The following CMC2 variants were observed in gnomAD, a reference collection of about 807,000 sequenced individuals.
CMC2 encodes COX assembly mitochondrial protein 2 homolog.
In CMC2, 5 loss-of-function variants were observed where a neutral mutation model predicts 7.5. The ratio of observed to expected loss-of-function variants is 0.66; its 90% CI spans 0.35 to 1.40. The LOEUF is 1.40. Among genes scored for constraint, CMC2 ranks in the 40% most tolerant of loss-of-function variants. CMC2 has a pLI of 0.04. For synonymous variants in CMC2, 37 were observed against 31.4 expected, an observed-to-expected ratio of 1.18 and a Z score of -0.60; for missense variants, 115 against 92.3, an observed-to-expected ratio of 1.25 and a Z score of -1.01.
At chr16:80,999,698 T>C (rs1488274856) in intron 1 of CMC2, among the ~76,000 whole-genome samples, 1 of 152,162 alleles carries the variant, frequency 6.6e-6, no homozygotes, top group Non-Finnish European at 1.5e-5. Context: ...AGCAAGCTTC[T>C]CCTACAAAAA....
rs939445240 is a variant in CMC2 at position 80,970,994 on chromosome 16, G to A, written c.*5099C>T. 2.0e-5 allele frequency: 3 copies of A among 152,066 alleles called. No homozygotes were observed. The highest frequency in any genetic ancestry group is 6.6e-5 in the Admixed American group (1 of 15,266). 9.4% of individuals were successfully genotyped at this position (152,066 alleles called of 1,614,324 possible). A position where few individuals can be genotyped will look rare whatever the true frequency, so the allele number is the denominator to read the frequency against. On this transcript the variant is annotated 3_prime_UTR_variant, in exon 4 of 4. Transcript: ENST00000219400. ...ACTAAAAAATACAAAAATTAGCAGG[G>A]CATGGTGGCACATGCCTGTAGTCCC... is the stretch of plus-strand genomic sequence containing the variant.
In CMC2 at chr16:80,970,677, T is replaced by C. The variant is rs1911851912; in HGVS notation, c.*5416A>G. 1 of 152,204 alleles carries C rather than the reference T, an allele frequency of 6.6e-6. No individual in the cohort carries two copies. The highest frequency in any genetic ancestry group is 2.4e-5 in the African/African-American group (1 of 41,444). 9.4% of individuals were successfully genotyped at this position (152,204 alleles called of 1,614,324 possible). A position where few individuals can be genotyped will look rare whatever the true frequency, so the allele number is the denominator to read the frequency against. On this transcript the variant is annotated 3_prime_UTR_variant, in exon 4 of 4. Coordinates refer to ENST00000219400, the MANE Select transcript of CMC2 (RefSeq NM_020188.5). ...ATGTGACTGTCTACATAGAAAAATC[T>C]AAAATAATCTATAGGCCCCAGAATT...
chr16:80,989,364 TTGGACTCA>T (rs912559865), intron 2 of CMC2, among the ~76,000 whole-genome samples: 6 of 152,242 alleles, frequency 3.9e-5, no homozygotes, highest in Non-Finnish European at 7.3e-5. Flanking sequence ...TTATATGAGT[TTGGACTCA>T]TGGATCCTTA....
At chr16:80,978,897 CG>C (rs765591173) in intron 3 of CMC2, among the ~76,000 whole-genome samples, 8 of 151,898 alleles carry the variant, frequency 5.3e-5, no homozygotes, top group Non-Finnish European at 1.2e-4. Flanking sequence ...CTAGCTAACA[CG>C]GTGAAGCCCC....
Position 80,994,701 on chromosome 16 carries a change from G to A in CMC2, c.81+2613C>T, listed in dbSNP as rs140154590. Among the ~76,000 whole-genome samples the A allele has an allele frequency of 3.9e-3, 589 of 152,314 alleles. 4 individuals are homozygous for A. Among genetic ancestry groups the A allele is most frequent in the African/African-American group, 0.014 (571 of 41,566 alleles). ...TAAAAAGTTTATAATATTAGGCAGT[G>A]GTGATGGACAGTGGTAGGAATGTAG... is the stretch of plus-strand genomic sequence containing the variant. On this transcript the variant is annotated intron_variant, in intron 2 of 3. Transcript: ENST00000219400.
At position 80,998,199 on chromosome 16, in the gene CMC2, G is replaced by C; in HGVS notation, c.-35-770C>G. ...CAAGTGATCCTCAGCCTCCCAAAGTGTTGGGACAGGCATGAGCTACCGTGC... is the reference window on the plus strand; with the variant it reads ...CAAGTGATCCTCAGCCTCCCAAAGTCTTGGGACAGGCATGAGCTACCGTGC... On this transcript the variant is annotated intron_variant, in intron 1 of 3. Transcript: ENST00000219400. The C allele has an allele frequency of 1.3e-5, 2 of 150,172 alleles. 1 individual carries two copies. The highest frequency in any genetic ancestry group is 2.9e-5 in the Non-Finnish European group (2 of 67,836). 9.3% of individuals were successfully genotyped at this position (150,172 alleles called of 1,614,324 possible).
chr16:80,976,344 A>T (rs1567502666), intron 3 of CMC2, among the ~76,000 whole-genome samples, 165 bp from the exon 4 acceptor site: 1 of 152,228 alleles, frequency 6.6e-6, no homozygotes, highest in Non-Finnish European at 1.5e-5. Context: ...TCTTTTATTT[A>T]ACCAAATCTG....
In CMC2 at chr16:80,974,234, G is replaced by C. The variant is rs1257808166; in HGVS notation, c.*1859C>G. ...ATCGTCACTCCTCCTAATCCCCAAA[G>C]CCACATCTTTCATCCAGGCCCTCAT... On this transcript the variant is annotated 3_prime_UTR_variant, in exon 4 of 4. Transcript: ENST00000219400. 1.3e-5 allele frequency: 2 copies of C among 152,176 alleles called. No individual in the cohort carries two copies. The highest frequency in any genetic ancestry group is 2.9e-5 in the Non-Finnish European group (2 of 68,064). The allele number at this position is 152,176 out of a possible 1,614,324, so 9.4% of individuals were successfully genotyped here. A position where few individuals can be genotyped will look rare whatever the true frequency, so the allele number is the denominator to read the frequency against.
intron 2 of CMC2, among the ~76,000 whole-genome samples, chr16:80,989,466 C>T (rs1008324100): frequency 6.6e-6 from 1 of 152,264 alleles, no homozygotes; most frequent in South Asian, 2.1e-4. Context: ...AGCCCCTGTC[C>T]TTTTAACAGT....
chr16:80,999,742 G>T (rs1968717000), intron 1 of CMC2, among the ~76,000 whole-genome samples: 1 of 152,136 alleles, frequency 6.6e-6, no homozygotes, highest in African/African-American at 2.4e-5. Flanking sequence ...TAACAGCCCA[G>T]AAATAAAGCC....
rs1271568156 is a variant in CMC2, at chr16:80,971,949, A to T, written c.*4144T>A. On this transcript the variant is annotated 3_prime_UTR_variant, in exon 4 of 4. Coordinates refer to ENST00000219400, the MANE Select transcript of CMC2 (RefSeq NM_020188.5). ...ACACTCAGCCAGTTTCTTTTCTCTA[A>T]GTGAGAGAAACTCAGCCACCTGTCT... 2 of 152,168 alleles carry T rather than the reference A, an allele frequency of 1.3e-5. No homozygotes were observed. Among genetic ancestry groups the T allele is most frequent in the African/African-American group, 2.4e-5 (1 of 41,426 alleles). 9.4% of individuals were successfully genotyped at this position (152,168 alleles called of 1,614,324 possible).
At chr16:80,978,995 G>A (rs545412830) in intron 3 of CMC2, among the ~76,000 whole-genome samples, 135 of 152,180 alleles carry the variant, frequency 8.9e-4, no homozygotes, top group Non-Finnish European at 1.7e-3. Flanking sequence ...GCAGGAGAAT[G>A]GCGTGAACCC....
chr16:80,991,863 C>A, intron 2 of CMC2: 1 of 448,602 alleles, frequency 2.2e-6, no homozygotes, highest in Non-Finnish European at 4.5e-6. Flanking sequence ...ATGCCTCAAA[C>A]CTTTTCGGGT....
intron 2 of CMC2, 119 bp from the exon 3 acceptor site, chr16:80,981,996 T>A: frequency 1.7e-6 from 1 of 598,260 alleles, no homozygotes; most frequent in Non-Finnish European, 2.9e-6. Flanking sequence ...AATAAACAAG[T>A]AATAGTTAAA....
At chr16:80,981,782 T>C in intron 3 of CMC2, 24 bp downstream of exon 3, 1 of 1,492,954 alleles carries the variant, frequency 6.7e-7, no homozygotes, top group East Asian at 2.3e-5. Flanking sequence ...TTCAACCATA[T>C]CCATCCTTTG....
intron 2 of CMC2, among the ~76,000 whole-genome samples, chr16:80,993,110 T>C (rs1385749061): frequency 6.6e-6 from 1 of 152,350 alleles, no homozygotes; most frequent in East Asian, 1.9e-4. Flanking sequence ...ATTCTAACTT[T>C]TTCCAAACAG....
chr16:81,002,621 G>C (rs1968950545), intron 1 of CMC2, among the ~76,000 whole-genome samples: 1 of 152,072 alleles, frequency 6.6e-6, no homozygotes, highest in Non-Finnish European at 1.5e-5. Context: ...GAAGACACTT[G>C]ACTGAGACAA....
intron 1 of CMC2, 54 bp from the exon 2 acceptor site, chr16:80,997,483 A>G (rs1968521746): frequency 1.1e-6 from 1 of 914,010 alleles, no homozygotes; most frequent in East Asian, 2.4e-5. Flanking sequence ...TACGCCACCT[A>G]AAAGTATCTT....
Position 80,968,038 on chromosome 16 carries a change from T to C in CMC2, c.*8055A>G, listed in dbSNP as rs1226279331. ...ATTAAATGCAGAAAAAAGAGTAAGC[T>C]AGAAGTGATGACAAGAGTGGATGAA... is the stretch of plus-strand genomic sequence containing the variant. On this transcript the variant is annotated 3_prime_UTR_variant, in exon 4 of 4. Transcript: ENST00000219400. The C allele has an allele frequency of 6.6e-6, 1 of 152,156 alleles. No individual in the cohort carries two copies. Among genetic ancestry groups the C allele is most frequent in the African/African-American group, 2.4e-5 (1 of 41,436 alleles). The allele number at this position is 152,156 out of a possible 1,614,324, so 9.4% of individuals were successfully genotyped here. A position where few individuals can be genotyped will look rare whatever the true frequency, so the allele number is the denominator to read the frequency against.
Sources: gnomAD v4.1 joint callset for allele counts (sites outside exome capture counted in the v4.1 genomes callset) on GRCh38, gnomAD v4.1.1 for gene constraint, MANE v1.5 for transcripts, NCBI Gene and HGNC (gene_info 2026-07-23, HGNC 2026-07-21) for gene names.